NUP205: variants seen among roughly 807,000 people sequenced by gnomAD.
The protein encoded by NUP205 is nucleoporin 205.
In NUP205, 76 loss-of-function variants were observed where a neutral mutation model predicts 253.8. The ratio of observed to expected loss-of-function variants is 0.30; its 90% CI spans 0.25 to 0.36. The LOEUF (loss-of-function observed/expected upper bound fraction) is 0.36. Ranked by LOEUF, NUP205 falls within the 10% of genes least tolerant of loss-of-function variation. The pLI is 1.00. For synonymous variants in NUP205, 832 were observed against 850.1 expected, an observed-to-expected ratio of 0.98 and a Z score of 0.37; for missense variants, 2,162 against 2,425.5, an observed-to-expected ratio of 0.89 and a Z score of 2.28.
chr7:135,596,235 G>A (rs1793832722), intron 13 of NUP205, among the ~76,000 whole-genome samples: 1 of 152,210 alleles, frequency 6.6e-6, no homozygotes, highest in East Asian at 1.9e-4. Context: ...CGCCCAGCCA[G>A]AAGCAACCAT....
rs148067223 is a variant in NUP205, at chr7:135,613,157, C to T, written c.3196-1002C>T. 2.6e-3 allele frequency among the ~76,000 whole-genome samples: 392 copies of T among 148,388 alleles called. 3 individuals carry two copies. The highest frequency in any genetic ancestry group is 9.0e-3 in the African/African-American group (366 of 40,556). On this transcript the variant is annotated intron_variant, in intron 22 of 42. Transcript: ENST00000285968. ...ATCATCTTGATTTTTTTTTTTAATTCCTGAAAACAGATGGACATTTTTTAT... is the reference window on the plus strand; with the variant it reads ...ATCATCTTGATTTTTTTTTTTAATTTCTGAAAACAGATGGACATTTTTTAT...
intron 10 of NUP205, among the ~76,000 whole-genome samples, chr7:135,590,587 C>T (rs1027548201): frequency 2.0e-5 from 3 of 150,450 alleles, no homozygotes; most frequent in Non-Finnish European, 4.4e-5. Context: ...GGCTAGAGTG[C>T]AGTGGCGCAA....
At chr7:135,639,533 TACA>T (rs1021588252) in intron 38 of NUP205, among the ~76,000 whole-genome samples, 8 of 151,858 alleles carry the variant, frequency 5.3e-5, no homozygotes, top group Admixed American at 3.9e-4. Flanking sequence ...CTTCTAAAAA[TACA>T]ACAAGTTAGC....
intron 15 of NUP205, among the ~76,000 whole-genome samples, chr7:135,599,307 T>C (rs115280231): frequency 0.011 from 1,612 of 152,326 alleles, 32 homozygotes; most frequent in African/African-American, 0.036. Flanking sequence ...TGCCCTGTCA[T>C]TGGATATAGC....
At chr7:135,575,013 A>G (rs942463444) in intron 3 of NUP205, among the ~76,000 whole-genome samples, 24 of 152,324 alleles carry the variant, frequency 1.6e-4, no homozygotes, top group Middle Eastern at 6.8e-3. Context: ...CGGAACTTTC[A>G]TTTAACAAAC....
At chr7:135,631,904 C>T (rs1026559652) in intron 35 of NUP205, among the ~76,000 whole-genome samples, 3 of 152,100 alleles carry the variant, frequency 2.0e-5, no homozygotes, top group Non-Finnish European at 4.4e-5. Flanking sequence ...CGCCCGCCAC[C>T]ACGCCTGGCT....
Position 135,615,917 on chromosome 7 carries a change from A to T in NUP205, c.3312A>T (p.Glu1104Asp), listed in dbSNP as rs1563129862. 6.2e-7 allele frequency: 1 copy of T among 1,605,070 alleles called. No homozygotes were observed. Among genetic ancestry groups the T allele is most frequent in the South Asian group, 1.1e-5 (1 of 89,686 alleles). ...AAAATTTACATGTTTAAATTCTAGA[A>T]TATGAAATATCTATGCTGAACCAGA... ...QLQYLPFSNK[E>D]YEISMLNQMS... Residue 1104 changes from glutamate to aspartate, a missense_variant and splice_region_variant, in exon 24 of 43, where the codon GAA (glutamate) becomes GAT (aspartate). This residue lies in a region of NUP205 where 1,144 missense variants were observed against 1,280.9 expected (regional missense o/e 0.89). Transcript: ENST00000285968.
chr7:135,630,616 T>A (rs1278760951), intron 35 of NUP205, 146 bp downstream of exon 35: 4 of 605,332 alleles, frequency 6.6e-6, no homozygotes, highest in Non-Finnish European at 1.0e-5. Context: ...TGTAATAAGT[T>A]TATGTTTATA....
chr7:135,626,101 T>C, intron 32 of NUP205, 139 bp from the exon 33 acceptor site: 1 of 968,900 alleles, frequency 1.0e-6, no homozygotes, highest in South Asian at 1.6e-5. Flanking sequence ...GAAAGCGGTA[T>C]AATGTAACCT....
At chr7:135,648,086 G>A (rs1795046481) in intron 42 of NUP205, among the ~76,000 whole-genome samples, 1 of 148,078 alleles carries the variant, frequency 6.8e-6, no homozygotes. Flanking sequence ...CTGACTTCTT[G>A]TATGGCCCTT....
intron 12 of NUP205, among the ~76,000 whole-genome samples, chr7:135,594,111 T>C (rs1025497247): frequency 1.6e-4 from 25 of 152,030 alleles, no homozygotes; most frequent in African/African-American, 6.0e-4. Flanking sequence ...ACATATCAAC[T>C]AAAAATGAAA....
At chr7:135,577,624 A>G (rs552345259) in intron 5 of NUP205, among the ~76,000 whole-genome samples, 172 bp from the exon 6 acceptor site, 101 of 152,242 alleles carry the variant, frequency 6.6e-4, no homozygotes, top group Non-Finnish European at 1.1e-3. Flanking sequence ...GAACTTAAGG[A>G]TAAGGAATAA....
chr7:135,567,128 G>GTATATATATA (rs1163648935), intron 1 of NUP205, among the ~76,000 whole-genome samples: 8 of 7,220 alleles, frequency 1.1e-3, no homozygotes, highest in East Asian at 7.5e-3. Context: ...GTCTATGTGT[G>GTATATATATA]TATATATATA....
At chr7:135,558,859 G>A (rs1805504762) in intron 1 of NUP205, among the ~76,000 whole-genome samples, 1 of 152,174 alleles carries the variant, frequency 6.6e-6, no homozygotes, top group Admixed American at 6.6e-5. Context: ...GTAAATGCTT[G>A]TGAGAATCTC....
At chr7:135,560,906 T>C (rs995731792) in intron 1 of NUP205, among the ~76,000 whole-genome samples, 6 of 152,204 alleles carry the variant, frequency 3.9e-5, no homozygotes, top group Admixed American at 2.6e-4. Flanking sequence ...TGTTGCACAA[T>C]GTGAATACAC....
chr7:135,629,614 C>A (rs1443272329), intron 34 of NUP205, among the ~76,000 whole-genome samples: 1 of 151,838 alleles, frequency 6.6e-6, no homozygotes, highest in Non-Finnish European at 1.5e-5. Context: ...GCAACCTCCA[C>A]CTCCCAGGTT....
At chr7:135,615,534 G>C (rs1156928549) in intron 23 of NUP205, among the ~76,000 whole-genome samples, 2 of 152,154 alleles carry the variant, frequency 1.3e-5, no homozygotes, top group East Asian at 1.9e-4. Context: ...TATTTGTTTT[G>C]TGAAATCAAA....
chr7:135,587,594 G>A lies in NUP205; in HGVS notation c.1238G>A (p.Arg413Gln), dbSNP rs774198830. The A allele has an allele frequency of 5.0e-6, 8 of 1,600,596 alleles. No homozygotes were observed. The highest frequency in any genetic ancestry group is 4.5e-5 in the South Asian group (4 of 88,434). ...TAATAGGTGAAACAGCTGAGGAATC[G>A]GGCAGATGAAGATGCTCGAATGATT... is the stretch of plus-strand genomic sequence containing the variant. Reference protein sequence around the residue: ...MPMKVKQLRNRADEDARMIHM... With the variant: ...MPMKVKQLRNQADEDARMIHM... The change falls in exon 9 of 43, where the codon CGG becomes CAG. Residue 413 changes from arginine to glutamine, a missense_variant. Arg to Gln is a conservative substitution (Grantham distance 43). This residue lies in a region of NUP205 where 892 missense variants were observed against 957.1 expected (regional missense o/e 0.93). Coordinates refer to ENST00000285968, the MANE Select transcript of NUP205 (RefSeq NM_015135.3).
chr7:135,647,345 G>A (rs1467152297), intron 42 of NUP205, among the ~76,000 whole-genome samples: 1 of 152,176 alleles, frequency 6.6e-6, no homozygotes, highest in African/African-American at 2.4e-5. Context: ...AGCCTCCAAA[G>A]CACAGCTTGC....
Sources: allele counts gnomAD v4.1 joint callset (sites outside exome capture counted in the v4.1 genomes callset), GRCh38; gene constraint gnomAD v4.1.1; regional missense constraint gnomAD v4.1.1; transcripts MANE v1.5; gene names NCBI Gene and HGNC (gene_info 2026-07-23, HGNC 2026-07-21).